JADE1: variants seen among roughly 807,000 people sequenced by gnomAD.
The protein encoded by JADE1 is protein Jade-1.
Under a neutral mutation model 81.8 loss-of-function variants are expected in JADE1, and 14 were observed. The ratio of observed to expected loss-of-function variants is 0.17; its 90% CI spans 0.11 to 0.27. The LOEUF (loss-of-function observed/expected upper bound fraction) is 0.27, where lower values mean the gene tolerates loss of function less well. Among genes scored for constraint, JADE1 ranks in the 10% least tolerant of loss-of-function variants. The pLI is 1.00. For synonymous variants in JADE1, 353 were observed against 391.9 expected (o/e 0.90, Z 1.17); for missense variants, 690 against 1,047.9 (o/e 0.66, Z 4.71).
chr4:128,857,322 GT>G lies in JADE1; in HGVS notation c.865-12del, dbSNP rs1730879387. ...ACGACCTGAGCCACCCTGTCTTGCT[GT>G]TTTCCGACCTTTAGGTGAGCATTGG... is the stretch of plus-strand genomic sequence containing the variant. On this transcript the variant is annotated splice_polypyrimidine_tract_variant and intron_variant, in intron 7 of 10. Transcript: ENST00000226319. The G allele has an allele frequency of 2.5e-6, 4 of 1,608,528 alleles. No individual in the cohort carries two copies. The highest frequency in any genetic ancestry group is 1.1e-5 in the South Asian group (1 of 90,936).
intron 8 of JADE1, among the ~76,000 whole-genome samples, chr4:128,860,709 T>C (rs1362789158): frequency 1.3e-5 from 2 of 152,198 alleles, no homozygotes. Flanking sequence ...ACCAGAGGCT[T>C]GTTGTCTGGA....
rs1026318168 is a variant in JADE1, at chr4:128,854,196, G to A, written c.697-1434G>A. On this transcript the variant is annotated intron_variant, in intron 6 of 10. Coordinates refer to ENST00000226319, the MANE Select transcript of JADE1 (RefSeq NM_199320.4). Reference sequence around the variant, plus strand: ...AGGGCAGGCTTGTGCAAGCTCTCACGGTGGACGTGTGGCAGAGTTGTAACT... The same window carrying A: ...AGGGCAGGCTTGTGCAAGCTCTCACAGTGGACGTGTGGCAGAGTTGTAACT... Among the ~76,000 whole-genome samples, 3 of 152,152 alleles carry A rather than the reference G, an allele frequency of 2.0e-5. No individual in the cohort carries two copies. In the East Asian group the frequency reaches 5.8e-4, roughly 29 times the overall value.
intron 6 of JADE1, among the ~76,000 whole-genome samples, chr4:128,853,355 C>T (rs1041671694): frequency 3.3e-5 from 5 of 152,066 alleles, no homozygotes; most frequent in Admixed American, 1.3e-4. Context: ...CACAATTTGC[C>T]GTCATATTTG....
intron 1 of JADE1, among the ~76,000 whole-genome samples, chr4:128,817,149 T>C (rs915934246): frequency 6.6e-6 from 1 of 152,114 alleles, no homozygotes; most frequent in African/African-American, 2.4e-5. Flanking sequence ...TGAACCACCA[T>C]GACTGGCCAG....
chr4:128,859,203 T>A (rs928890975), intron 8 of JADE1, among the ~76,000 whole-genome samples: 1 of 151,962 alleles, frequency 6.6e-6, no homozygotes, highest in African/African-American at 2.4e-5. Flanking sequence ...TGAGTGTGTG[T>A]GTATGGGTGT....
In JADE1 at chr4:128,871,922, A is replaced by C. The variant is rs1438881567; in HGVS notation, c.2189A>C (p.Tyr730Ser). The change falls in exon 11 of 11, where the codon TAT (tyrosine) becomes TCT (serine). Residue 730 changes from tyrosine to serine, a missense_variant. This residue lies in a region of JADE1 where 218 missense variants were observed against 274.3 expected (regional missense o/e 0.79). Transcript: ENST00000226319. The surrounding 1 kb of genome is among the most constrained non-coding windows in gnomAD (Gnocchi z 4.1). ...KCNGSLIKVNYNQTAVKVPTT... is the reference protein window; with the variant it reads ...KCNGSLIKVNSNQTAVKVPTT... ...AATGGCTCCCTAATCAAAGTAAACTATAATCAGACTGCAGTCAAAGTGCCT... is the reference window on the plus strand; with the variant it reads ...AATGGCTCCCTAATCAAAGTAAACTCTAATCAGACTGCAGTCAAAGTGCCT... 6.2e-7 allele frequency: 1 copy of C among 1,613,974 alleles called. No individual in the cohort carries two copies. The highest frequency in any genetic ancestry group is 2.2e-5 in the East Asian group (1 of 44,848).
At chr4:128,863,830 G>T (rs1731572022) in intron 9 of JADE1, 1 of 985,354 alleles carries the variant, frequency 1.0e-6, no homozygotes, top group Admixed American at 6.2e-5. Flanking sequence ...ATGAGCTATG[G>T]AGTCAGATAG....
chr4:128,854,368 T>C (rs1297157803), intron 6 of JADE1, among the ~76,000 whole-genome samples: 2 of 152,210 alleles, frequency 1.3e-5, no homozygotes, highest in Non-Finnish European at 2.9e-5. Flanking sequence ...CCTAAATTAA[T>C]TTAGACCTGC....
chr4:128,862,745 T>C lies in JADE1; in HGVS notation c.1503+520T>C, dbSNP rs1579232673. On this transcript the variant is annotated intron_variant, in intron 9 of 10. Transcript: ENST00000226319. ...GCTGCTCACTGGCCCCCACTTTGTT[T>C]CTTGGGTAATTCACAGGGGAATTCC... The C allele has an allele frequency of 6.0e-6, 6 of 1,004,290 alleles. No individual in the cohort carries two copies. In the South Asian group the frequency reaches 1.6e-4, roughly 28 times the overall value. 62.2% of individuals were successfully genotyped at this position (1,004,290 alleles called of 1,614,324 possible). A position where few individuals can be genotyped will look rare whatever the true frequency, so the allele number is the denominator to read the frequency against.
chr4:128,843,379 A>G (rs1037490807), intron 3 of JADE1, among the ~76,000 whole-genome samples: 1 of 152,154 alleles, frequency 6.6e-6, no homozygotes, highest in African/African-American at 2.4e-5. Flanking sequence ...TCTGGCCAGG[A>G]TATCAGCAGG....
rs145334062 is a variant in JADE1, at chr4:128,852,439, T to A, written c.696+171T>A. ...TTTCCCTAGTAGGTTCTTACAGTGA[T>A]TGAAATATATCCTCTGCTTTTGCAG... On this transcript the variant is annotated intron_variant, in intron 6 of 10. Transcript: ENST00000226319. Among the ~76,000 whole-genome samples the A allele has an allele frequency of 3.4e-3, 519 of 152,340 alleles. 2 individuals are homozygous for A. The highest frequency in any genetic ancestry group is 6.3e-3 in the Admixed American group (97 of 15,304).
At position 128,846,575 on chromosome 4, in the gene JADE1, C is replaced by G. The variant is rs774685498; in HGVS notation, c.296+43C>G. 1 of 1,599,096 alleles carries G rather than the reference C, an allele frequency of 6.3e-7. No individual in the cohort carries two copies. The highest frequency in any genetic ancestry group is 1.3e-5 in the African/African-American group (1 of 74,460). On this transcript the variant is annotated intron_variant, in intron 4 of 10. Transcript: ENST00000226319. The surrounding 1 kb of genome is among the most constrained non-coding windows in gnomAD (Gnocchi z 4.0). ...ACAGAAGCCTCTCCACCCACCCTTGCTCTTCTTCCCTGACAGCAGGCATCT... is the reference window on the plus strand; with the variant it reads ...ACAGAAGCCTCTCCACCCACCCTTGGTCTTCTTCCCTGACAGCAGGCATCT...
intron 6 of JADE1, among the ~76,000 whole-genome samples, chr4:128,853,740 C>A (rs1730563295): frequency 6.6e-6 from 1 of 152,176 alleles, no homozygotes; most frequent in Admixed American, 6.5e-5. Flanking sequence ...TGCTTGGTGA[C>A]TTCTTGGGAA....
chr4:128,855,824 T>C, intron 7 of JADE1, 27 bp downstream of exon 7: 1 of 1,531,810 alleles, frequency 6.5e-7, no homozygotes, highest in Admixed American at 2.0e-5. Flanking sequence ...TTTTGTTGTT[T>C]TTACTTTTTT....
intron 9 of JADE1, chr4:128,863,032 A>G (rs1579233856): frequency 1.0e-6 from 1 of 985,398 alleles, no homozygotes; most frequent in East Asian, 1.1e-4. Flanking sequence ...TCAGCACGCT[A>G]CAGATGTGTT....
chr4:128,842,903 G>A (rs892748660), intron 2 of JADE1, 50 bp from the exon 3 acceptor site: 5 of 1,535,098 alleles, frequency 3.3e-6, no homozygotes, highest in Admixed American at 1.7e-5. Flanking sequence ...AGAACACTCA[G>A]TGACCCCTGC....
intron 2 of JADE1, among the ~76,000 whole-genome samples, chr4:128,840,994 G>A (rs1386140148): frequency 6.6e-6 from 1 of 152,188 alleles, no homozygotes; most frequent in Admixed American, 6.5e-5. Context: ...ATCCCATTTG[G>A]TCTTGGTCAT....
rs752842550 is a variant in JADE1, at chr4:128,831,811, G to A, written c.52+1G>A. ...AGTGAGGATTCTGACGACAATGGCA[G>A]TAAGTCCTGCTTTGTTGTTCTTGGA... On this transcript the variant is annotated splice_donor_variant, in intron 2 of 10. Transcript: ENST00000226319. LOFTEE classifies it high-confidence loss of function. 6.2e-7 allele frequency: 1 copy of A among 1,613,672 alleles called. No homozygotes were observed. The highest frequency in any genetic ancestry group is 8.5e-7 in the Non-Finnish European group (1 of 1,179,568).
Position 128,857,340 on chromosome 4 carries a change from G to T in JADE1, c.867G>T (p.Val289=). Residue 289 remains valine (V), a splice_region_variant and synonymous_variant, in exon 8 of 11, where the codon GTG becomes GTT. Coordinates refer to ENST00000226319, the MANE Select transcript of JADE1 (RefSeq NM_199320.4). ...HVSCALWIPE[V]SIGSPEKMEP... ...TCTTGCTGTTTTCCGACCTTTAGGT[G>T]AGCATTGGCAGCCCAGAGAAGATGG... 1 of 1,613,844 alleles carries T rather than the reference G, an allele frequency of 6.2e-7. No homozygotes were observed. Among genetic ancestry groups the T allele is most frequent in the South Asian group, 1.1e-5 (1 of 91,070 alleles).
Sources: gnomAD v4.1 joint callset for allele counts (sites outside exome capture counted in the v4.1 genomes callset) on GRCh38, gnomAD v4.1.1 for gene constraint, gnomAD v4.1.1 regional missense constraint, Gnocchi (gnomAD v3.1) non-coding constraint, MANE v1.5 for transcripts, NCBI Gene and HGNC (gene_info 2026-07-23, HGNC 2026-07-21) for gene names.